Variants in ALPK1 observed in about 807,000 individuals in gnomAD.
The protein encoded by ALPK1 is alpha-protein kinase 1.
ALPK1 carries 110 observed loss-of-function variants against 120.6 expected under a neutral mutation model. That is an observed-to-expected ratio of 0.91 (90% CI 0.78 to 1.07). The LOEUF is 1.07. Ranked by LOEUF, ALPK1 falls within the 50% of genes least tolerant of loss-of-function variation. The pLI is 0.00. For synonymous variants in ALPK1, 582 were observed against 560.3 expected (o/e 1.04, Z -0.55); for missense variants, 1,498 against 1,483.9 (o/e 1.01, Z -0.16).
intron 2 of ALPK1, among the ~76,000 whole-genome samples, chr4:112,345,915 G>C (rs1219228903): frequency 6.6e-6 from 1 of 152,226 alleles, no homozygotes; most frequent in Non-Finnish European, 1.5e-5. Flanking sequence ...CCAGGCTGGA[G>C]TGCAATGGTG....
chr4:112,334,446 A>C (rs1191964539), intron 2 of ALPK1, among the ~76,000 whole-genome samples: 3 of 150,354 alleles, frequency 2.0e-5, no homozygotes, highest in Non-Finnish European at 4.4e-5. Flanking sequence ...AAAAAAAAAA[A>C]AGAAAAGAAA....
At position 112,425,655 on chromosome 4, in the gene ALPK1, T is replaced by C; in HGVS notation, c.536-10T>C. The C allele has an allele frequency of 6.2e-7, 1 of 1,611,250 alleles. No individual in the cohort carries two copies. Among genetic ancestry groups the C allele is most frequent in the Non-Finnish European group, 8.5e-7 (1 of 1,177,894 alleles). On this transcript the variant is annotated splice_polypyrimidine_tract_variant and intron_variant, in intron 6 of 15. Transcript: ENST00000650871. ...TGATAATTCAAGGGAATTTTCATCT[T>C]TTCTTTTAGGTACCTGGCTGTACAG... is the stretch of plus-strand genomic sequence containing the variant.
chr4:112,348,307 G>T (rs1331433113), intron 2 of ALPK1, among the ~76,000 whole-genome samples: 2 of 152,220 alleles, frequency 1.3e-5, no homozygotes, highest in East Asian at 3.8e-4. Context: ...ATAGAAGAAG[G>T]CCTGGTTTTC....
intron 2 of ALPK1, chr4:112,357,982 G>A (rs1049023283): frequency 1.8e-5 from 12 of 685,436 alleles, no homozygotes; most frequent in East Asian, 3.0e-5. Flanking sequence ...CCTTCCTGGC[G>A]GTATGCCGGG....
At chr4:112,403,657 T>G (rs1341727236) in intron 4 of ALPK1, among the ~76,000 whole-genome samples, 1 of 152,220 alleles carries the variant, frequency 6.6e-6, no homozygotes. Flanking sequence ...CTGTAAACAC[T>G]TTAGAAATGA....
intron 2 of ALPK1, among the ~76,000 whole-genome samples, chr4:112,374,969 A>G (rs1406192213): frequency 1.3e-5 from 2 of 152,186 alleles, no homozygotes; most frequent in Non-Finnish European, 2.9e-5. Flanking sequence ...TTTTCAGAAC[A>G]GTAAATGAAT....
Position 112,357,600 on chromosome 4 carries a change from C to A in ALPK1, c.-100-20078C>A, listed in dbSNP as rs1027613247. ...CCTCCTTTGCCCTGGAGTTGCAGAT[C>A]CCTTTCCCAGTCTGCCTGGAGAACC... is the stretch of plus-strand genomic sequence containing the variant. On this transcript the variant is annotated intron_variant, in intron 2 of 15. Transcript: ENST00000650871. 9 of 1,594,082 alleles carry A rather than the reference C, an allele frequency of 5.6e-6. No homozygotes were observed. In the African/African-American group the frequency reaches 9.4e-5, roughly 17 times the overall value.
intron 2 of ALPK1, chr4:112,357,551 C>A: frequency 8.4e-7 from 1 of 1,187,610 alleles, no homozygotes; most frequent in Non-Finnish European, 1.2e-6. Context: ...ATCATCCTCA[C>A]CAGTGGCACA....
At chr4:112,311,084 G>A (rs1482301192) in intron 1 of ALPK1, among the ~76,000 whole-genome samples, 5 of 152,194 alleles carry the variant, frequency 3.3e-5, no homozygotes, top group Non-Finnish European at 7.3e-5. Context: ...GTTACCCAGT[G>A]TGCAACGAAT....
At chr4:112,325,534 G>A (rs1330846335) in intron 2 of ALPK1, among the ~76,000 whole-genome samples, 4 of 152,220 alleles carry the variant, frequency 2.6e-5, no homozygotes, top group Admixed American at 2.6e-4. Context: ...AGACTGGTGA[G>A]TAGAGTTCAC....
At chr4:112,357,519 G>A in intron 2 of ALPK1, 1 of 877,958 alleles carries the variant, frequency 1.1e-6, no homozygotes, top group East Asian at 2.5e-5. Flanking sequence ...TGCGCAAGCT[G>A]GTCTGTCAGG....
At chr4:112,298,269 C>T (rs1460938979) in intron 1 of ALPK1, among the ~76,000 whole-genome samples, 1 of 150,998 alleles carries the variant, frequency 6.6e-6, no homozygotes, top group Non-Finnish European at 1.5e-5. Flanking sequence ...CTCTCTCTGT[C>T]TCTCTCTCTC....
At chr4:112,441,175 T>C (rs773768415) in intron 15 of ALPK1, 28 bp from the exon 16 acceptor site, 1 of 1,612,596 alleles carries the variant, frequency 6.2e-7, no homozygotes, top group Non-Finnish European at 8.5e-7. Flanking sequence ...CTGGTGATGC[T>C]CGCAAATATC....
At chr4:112,324,064 A>T (rs1355837515) in intron 2 of ALPK1, among the ~76,000 whole-genome samples, 5 of 152,110 alleles carry the variant, frequency 3.3e-5, no homozygotes, top group Non-Finnish European at 7.4e-5. Context: ...GTGGTGGCTC[A>T]TGCCTGTAAT....
At chr4:112,357,077 A>C (rs1239855916) in intron 2 of ALPK1, 1 of 999,780 alleles carries the variant, frequency 1.0e-6, no homozygotes, top group Admixed American at 1.8e-5. Context: ...AGACATTGCA[A>C]AGCTGAAGAT....
In ALPK1 at chr4:112,439,663, T is replaced by A. The variant is rs755377543; in HGVS notation, c.3352-23T>A. On this transcript the variant is annotated intron_variant, in intron 13 of 15. Transcript: ENST00000650871. ...AATGGCCTTTACCATTATGCTGTAA[T>A]GTTTCTCATTGCTATTTTTCAGATT... is the stretch of plus-strand genomic sequence containing the variant. The A allele has an allele frequency of 2.9e-5, 46 of 1,586,744 alleles. No homozygotes were observed. In the South Asian group the frequency reaches 4.4e-4, roughly 15 times the overall value.
At chr4:112,320,673 CT>C (rs1560635382) in intron 2 of ALPK1, among the ~76,000 whole-genome samples, 4 of 152,094 alleles carry the variant, frequency 2.6e-5, no homozygotes, top group Admixed American at 2.6e-4. Context: ...TGGTCCTGAA[CT>C]TTTTTTGTTG....
intron 4 of ALPK1, among the ~76,000 whole-genome samples, chr4:112,401,171 C>T (rs1288654059): frequency 6.6e-6 from 1 of 152,154 alleles, no homozygotes; most frequent in Non-Finnish European, 1.5e-5. Flanking sequence ...TAACAGTAAG[C>T]ATAGTTGGCC....
At chr4:112,378,966 A>C (rs1183583648) in intron 3 of ALPK1, among the ~76,000 whole-genome samples, 1 of 152,202 alleles carries the variant, frequency 6.6e-6, no homozygotes, top group Non-Finnish European at 1.5e-5. Context: ...TCCTGGCTCC[A>C]TGTGCCTGTC....
Sources: allele counts gnomAD v4.1 joint callset (sites outside exome capture counted in the v4.1 genomes callset), GRCh38; gene constraint gnomAD v4.1.1; transcripts MANE v1.5; gene names NCBI Gene and HGNC (gene_info 2026-07-23, HGNC 2026-07-21).